The following TTLL1 variants were observed in gnomAD, a reference collection of about 807,000 sequenced individuals.
TTLL1 encodes the protein TTL family tubulin polyglutamylase complex subunit L1.
TTLL1 carries 33 observed loss-of-function variants against 47.8 expected under a neutral mutation model. That is an observed-to-expected ratio of 0.69 (90% confidence interval 0.52 to 0.92). The LOEUF (loss-of-function observed/expected upper bound fraction) is 0.92. Among genes scored for constraint, TTLL1 ranks in the 40% least tolerant of loss-of-function variants. TTLL1 has a pLI of 0.00. For missense variants in TTLL1, 488 were observed against 547.5 expected, an observed-to-expected ratio of 0.89 and a Z score of 1.08; for synonymous variants, 225 against 214.1, an observed-to-expected ratio of 1.05 and a Z score of -0.45.
At chr22:43,064,600 C>T (rs1482903268) in intron 5 of TTLL1, among the ~76,000 whole-genome samples, 2 of 151,952 alleles carry the variant, frequency 1.3e-5, no homozygotes, top group African/African-American at 2.4e-5. Flanking sequence ...GTGGTGTGTG[C>T]CTGTAGTCCC....
intron 1 of TTLL1, among the ~76,000 whole-genome samples, chr22:43,081,688 C>T (rs1174011833): frequency 6.6e-6 from 1 of 151,214 alleles, no homozygotes; most frequent in African/African-American, 2.4e-5. Flanking sequence ...GCTGGGACTA[C>T]AGGCGCCTGC....
intron 5 of TTLL1, 84 bp from the exon 6 acceptor site, chr22:43,064,408 C>A: frequency 6.8e-7 from 1 of 1,465,152 alleles, no homozygotes; most frequent in Non-Finnish European, 9.2e-7. Context: ...AACTGATAAG[C>A]CGGACTTCAT....
intron 3 of TTLL1, 129 bp downstream of exon 3, chr22:43,075,345 A>G (rs1928412644): frequency 1.3e-6 from 1 of 774,412 alleles, no homozygotes; most frequent in Non-Finnish European, 2.2e-6. Flanking sequence ...TTAAGGAAAA[A>G]TGTGTGCGGG....
At chr22:43,069,873 G>C (rs374363266) in intron 3 of TTLL1, 29 bp from the exon 4 acceptor site, 44 of 1,611,978 alleles carry the variant, frequency 2.7e-5, no homozygotes, top group Non-Finnish European at 3.6e-5. Context: ...AGAGACACTT[G>C]GCAGTGATGT....
intron 8 of TTLL1, among the ~76,000 whole-genome samples, chr22:43,059,024 C>T (rs906971933): frequency 4.0e-5 from 6 of 150,710 alleles, no homozygotes; most frequent in African/African-American, 1.5e-4. Flanking sequence ...GAGTCTTGCT[C>T]TGTCACCCAG....
chr22:43,064,389 G>A, intron 5 of TTLL1, 65 bp from the exon 6 acceptor site: 1 of 1,543,446 alleles, frequency 6.5e-7, no homozygotes, highest in Non-Finnish European at 8.8e-7. Flanking sequence ...CACAATCCAA[G>A]AAAGGAATAA....
At chr22:43,074,268 A>T (rs1297844413) in intron 3 of TTLL1, among the ~76,000 whole-genome samples, 1 of 151,778 alleles carries the variant, frequency 6.6e-6, no homozygotes, top group African/African-American at 2.4e-5. Flanking sequence ...TCTCTACTAA[A>T]AATACAAAAT....
chr22:43,077,802 C>T (rs892127228), intron 2 of TTLL1, among the ~76,000 whole-genome samples: 1 of 152,154 alleles, frequency 6.6e-6, no homozygotes, highest in East Asian at 1.9e-4. Context: ...ACAATTCACA[C>T]GTTGTACTTA....
At chr22:43,056,054 A>C (rs1403363641) in intron 8 of TTLL1, among the ~76,000 whole-genome samples, 6 of 151,776 alleles carry the variant, frequency 4.0e-5, no homozygotes, top group Admixed American at 2.0e-4. Flanking sequence ...CTCCACAGAG[A>C]CTGTTTTCTA....
intron 1 of TTLL1, among the ~76,000 whole-genome samples, chr22:43,084,399 C>T (rs538283269): frequency 1.3e-5 from 2 of 152,314 alleles, no homozygotes; most frequent in African/African-American, 4.8e-5. Flanking sequence ...ATCCATCCAC[C>T]TCAGCCTGCC....
Position 43,063,590 on chromosome 22 carries a change from G to A in TTLL1, c.747+223C>T, listed in dbSNP as rs184382719. Among the ~76,000 whole-genome samples, 11 of 151,276 alleles carry A rather than the reference G, an allele frequency of 7.3e-5. No homozygotes were observed. The East Asian group carries it at 1.6e-3, about 21-fold the overall frequency. ...AGCGATTCTCCTGCCTCAGCCTCCCGAGTAGCTAGAATTACAGGCGCCAGC... is the reference window on the plus strand; with the variant it reads ...AGCGATTCTCCTGCCTCAGCCTCCCAAGTAGCTAGAATTACAGGCGCCAGC... On this transcript the variant is annotated intron_variant, in intron 7 of 10. Transcript: ENST00000266254.
At chr22:43,070,259 A>G (rs749916798) in intron 3 of TTLL1, 2 of 1,281,194 alleles carry the variant, frequency 1.6e-6, no homozygotes, top group South Asian at 2.5e-5. Flanking sequence ...AAACAAAATC[A>G]CAGGGGTTAT....
At position 43,051,391 on chromosome 22, in the gene TTLL1, G is replaced by A. The variant is rs369170815; in HGVS notation, c.978+410C>T. Among the ~76,000 whole-genome samples, 246 of 152,342 alleles carry A rather than the reference G, an allele frequency of 1.6e-3. 6 individuals are homozygous for A. The South Asian group carries it at 0.047, about 29-fold the overall frequency. ...ATATATGCCAAAGAAGAGCAGGGGCGTTCCTTCCCTCAGGAGAGTGTGCTC... is the reference window on the plus strand; with the variant it reads ...ATATATGCCAAAGAAGAGCAGGGGCATTCCTTCCCTCAGGAGAGTGTGCTC... On this transcript the variant is annotated intron_variant, in intron 9 of 10. Coordinates refer to ENST00000266254, the MANE Select transcript of TTLL1 (RefSeq NM_012263.5).
chr22:43,045,470 ATTTTTTT>A (rs57003421), intron 10 of TTLL1, among the ~76,000 whole-genome samples: 7 of 107,978 alleles, frequency 6.5e-5, no homozygotes, highest in Non-Finnish European at 1.2e-4. Flanking sequence ...TATTATACCC[ATTTTTTT>A]TTTTTTTTTT....
chr22:43,053,210 A>G, intron 8 of TTLL1, among the ~76,000 whole-genome samples: 1 of 152,036 alleles, frequency 6.6e-6, no homozygotes, highest in East Asian at 1.9e-4. Flanking sequence ...TGCACCCTAT[A>G]GTCAGTGAAG....
In TTLL1 at chr22:43,051,804, G is replaced by T. The variant is rs150946969; in HGVS notation, c.975C>A (p.Ile325=). 6.2e-7 allele frequency: 1 copy of T among 1,613,958 alleles called. No individual in the cohort carries two copies. Among genetic ancestry groups the T allele is most frequent in the East Asian group, 2.2e-5 (1 of 44,866 alleles). The change falls in exon 9 of 11, where the codon ATC becomes ATA. Residue 325 remains isoleucine, a synonymous_variant. Coordinates refer to ENST00000266254, the MANE Select transcript of TTLL1 (RefSeq NM_012263.5). ...IIDDKLKPWL[I]EVNASPSLTS... Reference sequence around the variant, plus strand: ...GTGCAGGTGCTCCCGCAGTTACCTCGATCAGCCAGGGCTTCAGCTTGTCGT... The same window carrying T: ...GTGCAGGTGCTCCCGCAGTTACCTCTATCAGCCAGGGCTTCAGCTTGTCGT...
chr22:43,086,404 G>A (rs909244896), intron 1 of TTLL1, among the ~76,000 whole-genome samples: 2 of 152,110 alleles, frequency 1.3e-5, no homozygotes, highest in African/African-American at 2.4e-5. Context: ...CCTGGGTCTC[G>A]CTCCTGGGGC....
chr22:43,047,310 T>C (rs1034265197), intron 9 of TTLL1, among the ~76,000 whole-genome samples: 1 of 152,130 alleles, frequency 6.6e-6, no homozygotes, highest in Non-Finnish European at 1.5e-5. Context: ...AATATCTCAT[T>C]AGTAAAGCAG....
At chr22:43,066,583 G>A (rs372062523) in intron 5 of TTLL1, among the ~76,000 whole-genome samples, 1 of 151,932 alleles carries the variant, frequency 6.6e-6, no homozygotes, top group African/African-American at 2.4e-5. Flanking sequence ...TTAGCCAGGT[G>A]TGGTCGTGTG....
Sources: allele counts gnomAD v4.1 joint callset (sites outside exome capture counted in the v4.1 genomes callset), GRCh38; gene constraint gnomAD v4.1.1; transcripts MANE v1.5; gene names NCBI Gene and HGNC (gene_info 2026-07-23, HGNC 2026-07-21).